The following KLHL3 variants were observed in gnomAD, a reference collection of about 807,000 sequenced individuals.
KLHL3 encodes kelch like family member 3, also known as kelch-like protein 3.
Under a neutral mutation model 70.5 loss-of-function variants are expected in KLHL3, and 19 were observed. That is an observed-to-expected ratio of 0.27 (90% CI 0.19 to 0.40). The LOEUF is 0.40. Ranked by LOEUF, KLHL3 falls within the 10% of genes least tolerant of loss-of-function variation. The probability of loss-of-function intolerance (pLI) is 1.00; values close to 1 mark genes in which losing one functional copy is unlikely to be tolerated. For synonymous variants in KLHL3, 258 were observed against 290.3 expected (o/e 0.89, Z 1.13); for missense variants, 512 against 771.1 (o/e 0.66, Z 3.98).
In KLHL3 at chr5:137,735,827, C is replaced by T; in HGVS notation, c.-181G>A. The T allele has an allele frequency of 1.3e-6, 1 of 761,886 alleles. No homozygotes were observed. The highest frequency in any genetic ancestry group is 2.6e-5 in the East Asian group (1 of 39,140). The allele number at this position is 761,886 out of a possible 1,614,324, so 47.2% of individuals were successfully genotyped here. A position where few individuals can be genotyped will look rare whatever the true frequency, so the allele number is the denominator to read the frequency against. ...CCTTCCTCTGACTTACTCGCAGCAG[C>T]TTCTACCGCAAAAGCAGCAGCAACA... On this transcript the variant is annotated 5_prime_UTR_variant, in exon 1 of 15. Transcript: ENST00000309755.
chr5:137,630,646 A>T (rs1232719321), intron 12 of KLHL3, among the ~76,000 whole-genome samples: 2 of 152,252 alleles, frequency 1.3e-5, no homozygotes, highest in African/African-American at 4.8e-5. Context: ...TGACGGGAAA[A>T]GAATCATGGG....
At chr5:137,692,114 G>A (rs1752337374) in intron 5 of KLHL3, among the ~76,000 whole-genome samples, 171 bp downstream of exon 5, 1 of 152,080 alleles carries the variant, frequency 6.6e-6, no homozygotes. Context: ...TTTCCACTTG[G>A]CAATGAGCTA....
At chr5:137,643,580 T>C (rs1269639024) in intron 8 of KLHL3, among the ~76,000 whole-genome samples, 1 of 152,104 alleles carries the variant, frequency 6.6e-6, no homozygotes, top group Non-Finnish European at 1.5e-5. Context: ...CATAGGAAAC[T>C]CAATTTTTTT....
chr5:137,718,121 T>C (rs186967501), intron 2 of KLHL3, among the ~76,000 whole-genome samples: 98 of 152,334 alleles, frequency 6.4e-4, no homozygotes, highest in African/African-American at 2.1e-3. Flanking sequence ...TTCTTCAAAC[T>C]CATTGGGGCA....
chr5:137,704,629 GTCT>G (rs1359311319), intron 3 of KLHL3, among the ~76,000 whole-genome samples: 14 of 152,174 alleles, frequency 9.2e-5, no homozygotes, highest in Non-Finnish European at 1.8e-4. Flanking sequence ...ACCCAAACAA[GTCT>G]ACCTCAGACC....
At chr5:137,690,080 C>G (rs1752279585) in intron 5 of KLHL3, among the ~76,000 whole-genome samples, 1 of 152,242 alleles carries the variant, frequency 6.6e-6, no homozygotes, top group Non-Finnish European at 1.5e-5. Flanking sequence ...GTAATCCCAG[C>G]ACTTTGGGAG....
At chr5:137,703,084 A>C (rs1334511213) in intron 3 of KLHL3, among the ~76,000 whole-genome samples, 1 of 152,242 alleles carries the variant, frequency 6.6e-6, no homozygotes, top group East Asian at 1.9e-4. Context: ...CTTGAGAATG[A>C]AAATGGAATA....
rs986157082 is a variant in KLHL3 at position 137,621,266 on chromosome 5, C to T, written c.*832G>A. The T allele has an allele frequency of 6.6e-6, 1 of 152,612 alleles. No individual in the cohort carries two copies. The highest frequency in any genetic ancestry group is 2.4e-5 in the African/African-American group (1 of 41,348). 9.5% of individuals were successfully genotyped at this position (152,612 alleles called of 1,614,324 possible). ...TGTTTTGTTTTGTTTTTCAGTGTTA[C>T]CCGAGGCTTCTCTGAAGAGCTAGTT... is the stretch of plus-strand genomic sequence containing the variant. On this transcript the variant is annotated 3_prime_UTR_variant, in exon 15 of 15. Coordinates refer to ENST00000309755, the MANE Select transcript of KLHL3 (RefSeq NM_017415.3).
At chr5:137,645,061 A>G (rs1751010011) in intron 8 of KLHL3, among the ~76,000 whole-genome samples, 1 of 152,212 alleles carries the variant, frequency 6.6e-6, no homozygotes, top group African/African-American at 2.4e-5. Context: ...AAAGACAAAA[A>G]CCACATAATC....
At chr5:137,730,002 C>A (rs892606156) in intron 1 of KLHL3, among the ~76,000 whole-genome samples, 1 of 152,160 alleles carries the variant, frequency 6.6e-6, no homozygotes, top group Non-Finnish European at 1.5e-5. Flanking sequence ...CACATGGACA[C>A]GTAGAACACA....
At chr5:137,683,784 T>TCA (rs1408370481) in intron 5 of KLHL3, among the ~76,000 whole-genome samples, 1 of 150,870 alleles carries the variant, frequency 6.6e-6, no homozygotes, top group Non-Finnish European at 1.5e-5. Context: ...TCTCTCTCTC[T>TCA]CACACACACA....
intron 6 of KLHL3, among the ~76,000 whole-genome samples, chr5:137,674,123 T>C (rs1224588316): frequency 1.3e-5 from 2 of 152,230 alleles, no homozygotes; most frequent in African/African-American, 2.4e-5. Context: ...TTTTTTCATA[T>C]ATCATCCCAT....
chr5:137,645,210 C>T (rs1178558889), intron 8 of KLHL3, among the ~76,000 whole-genome samples: 1 of 152,124 alleles, frequency 6.6e-6, no homozygotes, highest in Non-Finnish European at 1.5e-5. Context: ...TAACATCATA[C>T]TAGAAAGGGG....
At chr5:137,643,371 A>G (rs77022643) in intron 8 of KLHL3, among the ~76,000 whole-genome samples, 1 of 148,144 alleles carries the variant, frequency 6.8e-6, no homozygotes, top group African/African-American at 2.5e-5. Flanking sequence ...AAAAAAAAAA[A>G]TAGAATACAA....
At chr5:137,637,969 A>T (rs1750812851) in intron 10 of KLHL3, among the ~76,000 whole-genome samples, 1 of 152,240 alleles carries the variant, frequency 6.6e-6, no homozygotes, top group Admixed American at 6.5e-5. Context: ...GATCATGAGA[A>T]AAAGGCCAAG....
intron 6 of KLHL3, among the ~76,000 whole-genome samples, chr5:137,674,726 A>T (rs1465786679): frequency 6.6e-6 from 1 of 152,206 alleles, no homozygotes; most frequent in Non-Finnish European, 1.5e-5. Context: ...TTAACTTAAG[A>T]TCCCTAATAT....
chr5:137,723,608 TATTCCTA>T (rs996131053), intron 1 of KLHL3, among the ~76,000 whole-genome samples: 20 of 152,226 alleles, frequency 1.3e-4, no homozygotes, highest in African/African-American at 4.8e-4. Context: ...ATGTTCCTAT[TATTCCTA>T]ACTATTTGAA....
chr5:137,679,146 T>A (rs908621410), intron 5 of KLHL3, among the ~76,000 whole-genome samples: 3 of 136,324 alleles, frequency 2.2e-5, no homozygotes, highest in African/African-American at 7.6e-5. Context: ...AAGAGAGCAA[T>A]CTTCTTTGGA....
chr5:137,645,749 T>C (rs1201501208), intron 8 of KLHL3, among the ~76,000 whole-genome samples: 1 of 151,728 alleles, frequency 6.6e-6, no homozygotes. Context: ...AAAGATTCAA[T>C]GTAATCCTTA....
Sources: allele counts gnomAD v4.1 joint callset (sites outside exome capture counted in the v4.1 genomes callset), GRCh38; gene constraint gnomAD v4.1.1; transcripts MANE v1.5; gene names NCBI Gene and HGNC (gene_info 2026-07-23, HGNC 2026-07-21).